TIAM2: variants seen among roughly 807,000 people sequenced by gnomAD.
TIAM2 encodes rho guanine nucleotide exchange factor TIAM2.
Under a neutral mutation model 152.9 loss-of-function variants are expected in TIAM2, and 80 were observed. That is an observed-to-expected ratio of 0.52 (90% confidence interval 0.44 to 0.63). TIAM2 has a LOEUF of 0.63. Ranked by LOEUF, TIAM2 falls within the 30% of genes least tolerant of loss-of-function variation. The pLI, the probability that TIAM2 is intolerant of heterozygous loss-of-function variation, is 0.00. For synonymous variants in TIAM2, 804 were observed against 838.0 expected (o/e 0.96, Z 0.70); for missense variants, 1,965 against 2,120.1 (o/e 0.93, Z 1.44).
chr6:155,114,062 T>C (rs946908522), intron 2 of TIAM2, among the ~76,000 whole-genome samples: 5 of 106,206 alleles, frequency 4.7e-5, no homozygotes, highest in East Asian at 2.5e-4. Context: ...TTTTTTTTTT[T>C]TTTTTTTTTG....
In TIAM2 at chr6:155,257,134, C is replaced by CAGAT. The variant is rs777421853; in HGVS notation, c.*15_*18dup. The CAGAT allele has an allele frequency of 1.3e-6, 2 of 1,579,710 alleles. No individual in the cohort carries two copies. Among genetic ancestry groups the CAGAT allele is most frequent in the Admixed American group, 3.5e-5 (2 of 57,936 alleles). The stretch of plus-strand genomic sequence containing the variant: ...CGGAAAATCATAGTATGATTCAATC[C>CAGAT]AGATATGGGTTAAATTCCTCATTTT... On this transcript the variant is annotated 3_prime_UTR_variant, in exon 27 of 27. Transcript: ENST00000682666.
At chr6:155,048,588 G>A (rs1777254648) in intron 1 of TIAM2, among the ~76,000 whole-genome samples, 1 of 152,168 alleles carries the variant, frequency 6.6e-6, no homozygotes, top group Admixed American at 6.5e-5. Context: ...GGATAAAGAA[G>A]TCGGGATTCA....
At chr6:155,168,821 T>C in intron 9 of TIAM2, 1 of 1,528,778 alleles carries the variant, frequency 6.5e-7, no homozygotes, top group South Asian at 1.2e-5. Context: ...ATTTCATTAG[T>C]CTTTTTCCTC....
chr6:155,210,144 T>G (rs951019869), intron 14 of TIAM2, among the ~76,000 whole-genome samples: 3 of 152,170 alleles, frequency 2.0e-5, no homozygotes, highest in African/African-American at 4.8e-5. Context: ...TGGAGAAGAG[T>G]GCTGAGGATG....
chr6:155,181,395 A>G (rs1225043002), intron 12 of TIAM2, among the ~76,000 whole-genome samples: 1 of 152,202 alleles, frequency 6.6e-6, no homozygotes, highest in East Asian at 1.9e-4. Context: ...TATTTGTTGT[A>G]TTGAACTGAA....
chr6:155,071,540 G>T (rs1777837193), intron 1 of TIAM2, among the ~76,000 whole-genome samples: 1 of 152,214 alleles, frequency 6.6e-6, no homozygotes, highest in Non-Finnish European at 1.5e-5. Flanking sequence ...GCATGCAAGT[G>T]AATACTTCCT....
chr6:155,181,832 A>G (rs1780910479), intron 12 of TIAM2, among the ~76,000 whole-genome samples: 1 of 152,232 alleles, frequency 6.6e-6, no homozygotes, highest in Admixed American at 6.5e-5. Context: ...AAGTTCACCC[A>G]AATTGTAGCA....
intron 9 of TIAM2, among the ~76,000 whole-genome samples, chr6:155,172,642 A>G (rs1326824509): frequency 6.1e-5 from 1 of 16,394 alleles, no homozygotes; most frequent in African/African-American, 2.4e-4. Context: ...CTAGTTGGAA[A>G]TATATATATA....
chr6:155,166,413 T>C (rs1780437917), intron 9 of TIAM2, among the ~76,000 whole-genome samples: 1 of 151,822 alleles, frequency 6.6e-6, no homozygotes, highest in Non-Finnish European at 1.5e-5. Context: ...AACCTCTGCC[T>C]CCTGGGTTCA....
chr6:155,105,896 T>C (rs6941409), intron 2 of TIAM2, among the ~76,000 whole-genome samples: 39,595 of 151,912 alleles, frequency 0.26, 5,579 homozygotes, highest in South Asian at 0.43. Flanking sequence ...AATATGAAGG[T>C]TTGTGATCCT....
At position 155,251,985 on chromosome 6, in the gene TIAM2, C is replaced by G. The variant is rs1371517174; in HGVS notation, c.4101C>G (p.Cys1367Trp). The change falls in exon 23 of 27, where the codon TGC (cysteine) becomes TGG (tryptophan). Residue 1367 changes from cysteine to tryptophan, a missense_variant. Coordinates refer to ENST00000682666, the MANE Select transcript of TIAM2 (RefSeq NM_012454.4). ...RAVILVYKENCKLKKKLPSNS... is the reference protein window; with the variant it reads ...RAVILVYKENWKLKKKLPSNS... ...TCATACTGGTTTATAAAGAAAACTGCAAACTGAAAAAGAAATTGGTAAGGC... is the reference window on the plus strand; with the variant it reads ...TCATACTGGTTTATAAAGAAAACTGGAAACTGAAAAAGAAATTGGTAAGGC... 1 of 1,604,346 alleles carries G rather than the reference C, an allele frequency of 6.2e-7. No homozygotes were observed. Among genetic ancestry groups the G allele is most frequent in the Non-Finnish European group, 8.5e-7 (1 of 1,176,576 alleles).
At chr6:155,144,816 T>C in intron 6 of TIAM2, 38 bp downstream of exon 6, 1 of 1,557,244 alleles carries the variant, frequency 6.4e-7, no homozygotes, top group Non-Finnish European at 8.6e-7. Context: ...TAATAGCTTA[T>C]GTACTGCTAG....
Position 155,254,496 on chromosome 6 carries a change from G to A in TIAM2, c.4391G>A (p.Cys1464Tyr). The A allele has an allele frequency of 6.2e-7, 1 of 1,614,192 alleles. No homozygotes were observed. Residue 1464 changes from cysteine (C) to tyrosine (Y), a missense_variant, in exon 26 of 27, where the codon TGT (cysteine) becomes TAT (tyrosine). This residue lies in a region of TIAM2 where 935 missense variants were observed against 980.0 expected (regional missense o/e 0.95). Coordinates refer to ENST00000682666, the MANE Select transcript of TIAM2 (RefSeq NM_012454.4). ...GAGAACTTCAGGCGTCACATAAAGT[G>A]TGAATTACCACTGGAGAAAACGTGT... ...LRENFRRHIK[C>Y]ELPLEKTCKD... is the part of the protein sequence containing the mutation.
At chr6:155,177,660 T>G (rs1780788396) in intron 10 of TIAM2, among the ~76,000 whole-genome samples, 1 of 152,238 alleles carries the variant, frequency 6.6e-6, no homozygotes, top group East Asian at 1.9e-4. Flanking sequence ...CACTTAATCA[T>G]GTGCACTTAA....
At chr6:154,999,854 T>G (rs746430663) in intron 1 of TIAM2, among the ~76,000 whole-genome samples, 3 of 151,914 alleles carry the variant, frequency 2.0e-5, no homozygotes, top group Non-Finnish European at 4.4e-5. Flanking sequence ...AATTTTTGCA[T>G]TTTTAGTACA....
rs2115220359 is a variant in TIAM2 at position 155,213,384 on chromosome 6, CT to C, written c.3168+2078del. On this transcript the variant is annotated intron_variant, in intron 15 of 26. Transcript: ENST00000682666. The surrounding 1 kb of genome is among the most constrained non-coding windows in gnomAD (Gnocchi z 4.2). ...TGGAGTGGGTAGCTCCTCTCCACAG[CT>C]GGTAGTACTAATGTCTGCTTAGCTT... 1.3e-5 allele frequency among the ~76,000 whole-genome samples: 2 copies of C among 152,280 alleles called. No homozygotes were observed. The highest frequency in any genetic ancestry group is 3.9e-4 in the East Asian group (2 of 5,170).
chr6:155,052,084 G>GGAAAGTT (rs1419753736), intron 1 of TIAM2, among the ~76,000 whole-genome samples: 44 of 152,122 alleles, frequency 2.9e-4, no homozygotes, highest in African/African-American at 1.0e-3. Context: ...TTACCACTAT[G>GGAAAGTT]GAAAGTTGAT....
chr6:155,132,594 C>T (rs1422781351), intron 4 of TIAM2, among the ~76,000 whole-genome samples: 2 of 152,166 alleles, frequency 1.3e-5, no homozygotes, highest in African/African-American at 4.8e-5. Flanking sequence ...ACTTTTTTCT[C>T]TCAGCTCCCA....
intron 1 of TIAM2, among the ~76,000 whole-genome samples, chr6:155,067,988 CG>C (rs1777742068): frequency 1.3e-5 from 2 of 152,170 alleles, no homozygotes; most frequent in South Asian, 4.1e-4. Context: ...CCCAACCACA[CG>C]TACAAGTGTT....
Sources: allele counts gnomAD v4.1 joint callset (sites outside exome capture counted in the v4.1 genomes callset), GRCh38; gene constraint gnomAD v4.1.1; regional missense constraint gnomAD v4.1.1; non-coding constraint Gnocchi (gnomAD v3.1); transcripts MANE v1.5; gene names NCBI Gene and HGNC (gene_info 2026-07-23, HGNC 2026-07-21).